The following HPSE2 variants were observed in gnomAD, a reference collection of about 807,000 sequenced individuals.
HPSE2 encodes the protein inactive heparanase-2.
HPSE2 carries 38 observed loss-of-function variants against 60.5 expected under a neutral mutation model. That is an observed-to-expected ratio of 0.63 (90% CI 0.48 to 0.82). The LOEUF is 0.82. HPSE2 is among the 40% of genes least tolerant of loss of function. The pLI, the probability that HPSE2 is intolerant of heterozygous loss-of-function variation, is 0.00. For synonymous variants in HPSE2, 295 were observed against 293.2 expected, an observed-to-expected ratio of 1.01 and a Z score of -0.06; for missense variants, 713 against 740.4, an observed-to-expected ratio of 0.96 and a Z score of 0.43.
intron 9 of HPSE2, among the ~76,000 whole-genome samples, chr10:98,573,071 G>A (rs1173891953): frequency 2.0e-5 from 3 of 152,218 alleles, no homozygotes; most frequent in Non-Finnish European, 1.5e-5. Flanking sequence ...CAACAGATCT[G>A]AGTGATCTTG....
At chr10:98,554,328 CT>C (rs1943943883) in intron 9 of HPSE2, among the ~76,000 whole-genome samples, 1 of 152,198 alleles carries the variant, frequency 6.6e-6, no homozygotes, top group African/African-American at 2.4e-5. Context: ...TTTTTGGCCA[CT>C]GAAATCCTAT....
chr10:99,034,393 G>A (rs1957564318), intron 3 of HPSE2, among the ~76,000 whole-genome samples: 1 of 152,106 alleles, frequency 6.6e-6, no homozygotes, highest in African/African-American at 2.4e-5. Flanking sequence ...GAAATTTAGT[G>A]AATAATAGAA....
rs114694353 is a variant in HPSE2, at chr10:98,540,428, C to T, written c.1321-50232G>A. On this transcript the variant is annotated intron_variant, in intron 9 of 11. Transcript: ENST00000370552. Reference sequence around the variant, plus strand: ...GTAAAGAGCCCATGACCGTGACCGTCGTAGGACCCTAAAGATGTAGTAGGC... The same window carrying T: ...GTAAAGAGCCCATGACCGTGACCGTTGTAGGACCCTAAAGATGTAGTAGGC... 2.6e-3 allele frequency among the ~76,000 whole-genome samples: 403 copies of T among 152,254 alleles called. 3 individuals are homozygous for T. The highest frequency in any genetic ancestry group is 9.1e-3 in the African/African-American group (378 of 41,564).
At position 98,721,687 on chromosome 10, in the gene HPSE2, G is replaced by T. The variant is rs774313044; in HGVS notation, c.926C>A (p.Pro309Gln). Residue 309 changes from proline (P) to glutamine (Q), a missense_variant, in exon 5 of 12, where the codon CCG becomes CAG. Pro to Gln is a moderately conservative substitution (Grantham distance 76). Coordinates refer to ENST00000370552, the MANE Select transcript of HPSE2 (RefSeq NM_021828.5). ...TAGGAGGGCGATGACATTCTTCCTC[G>T]GCCGCCCAATATTAGGGCCATATAA... Reference protein sequence around the residue: ...ASLYGPNIGRPRKNVIALLDG... With the variant: ...ASLYGPNIGRQRKNVIALLDG... 1.2e-6 allele frequency: 2 copies of T among 1,613,508 alleles called. No homozygotes were observed. Among genetic ancestry groups the T allele is most frequent in the Non-Finnish European group, 1.7e-6 (2 of 1,179,846 alleles).
chr10:98,467,922 G>T (rs1409581509), intron 11 of HPSE2, among the ~76,000 whole-genome samples: 2 of 151,598 alleles, frequency 1.3e-5, no homozygotes, highest in African/African-American at 4.9e-5. Flanking sequence ...TGCAGAGAAC[G>T]GGGGGTCCCA....
intron 9 of HPSE2, among the ~76,000 whole-genome samples, chr10:98,517,077 T>C (rs1348676761): frequency 6.6e-6 from 1 of 152,128 alleles, no homozygotes; most frequent in East Asian, 1.9e-4. Context: ...TAATCCCTTC[T>C]TTCGAATCCC....
chr10:98,770,634 C>T (rs574258809), intron 3 of HPSE2, among the ~76,000 whole-genome samples: 60 of 152,162 alleles, frequency 3.9e-4, no homozygotes, highest in African/African-American at 1.4e-3. Flanking sequence ...GTCTAAGATG[C>T]CTTCCCTTCT....
At chr10:99,031,205 T>G (rs918022769) in intron 3 of HPSE2, among the ~76,000 whole-genome samples, 1 of 152,138 alleles carries the variant, frequency 6.6e-6, no homozygotes, top group Non-Finnish European at 1.5e-5. Context: ...CTCCAAGATG[T>G]GCTTATTTCA....
intron 3 of HPSE2, among the ~76,000 whole-genome samples, chr10:98,956,247 C>A (rs757088051): frequency 6.6e-6 from 1 of 151,342 alleles, no homozygotes; most frequent in South Asian, 2.1e-4. Context: ...GCAGGAAGGA[C>A]AAACAATAAA....
intron 2 of HPSE2, among the ~76,000 whole-genome samples, chr10:99,229,315 C>T (rs1044175508): frequency 1.1e-4 from 17 of 152,130 alleles, no homozygotes; most frequent in Non-Finnish European, 1.8e-4. Flanking sequence ...AACTCTGTTC[C>T]TTAAAGATAA....
intron 9 of HPSE2, among the ~76,000 whole-genome samples, chr10:98,541,792 G>T (rs1446233819): frequency 6.6e-6 from 1 of 152,252 alleles, no homozygotes; most frequent in Non-Finnish European, 1.5e-5. Context: ...GCCCAGCCTT[G>T]CTTAGGTAAA....
intron 6 of HPSE2, among the ~76,000 whole-genome samples, chr10:98,673,649 G>A (rs536440079): frequency 2.2e-4 from 33 of 152,162 alleles, no homozygotes; most frequent in African/African-American, 7.9e-4. Context: ...CAGCCTGTCT[G>A]TCTGGGTAAA....
chr10:99,284,869 C>A, the HPSE2 span, among the ~76,000 whole-genome samples: 2 of 151,824 alleles, frequency 1.3e-5, no homozygotes, highest in Admixed American at 6.6e-5. Context: ...TACATATATA[C>A]CATGGAAAAT....
intron 3 of HPSE2, among the ~76,000 whole-genome samples, chr10:98,971,922 T>A (rs925004140): frequency 6.6e-6 from 1 of 152,142 alleles, no homozygotes; most frequent in Non-Finnish European, 1.5e-5. Flanking sequence ...TACCCCCTAC[T>A]CTTACTCCCC....
intron 3 of HPSE2, among the ~76,000 whole-genome samples, chr10:98,746,620 A>G (rs2134338507): frequency 6.6e-6 from 1 of 152,178 alleles, no homozygotes; most frequent in East Asian, 1.9e-4. Context: ...TAATTTCAAG[A>G]AAGACAGATA....
At chr10:98,516,029 T>A (rs1441745443) in intron 9 of HPSE2, among the ~76,000 whole-genome samples, 2 of 152,184 alleles carry the variant, frequency 1.3e-5, no homozygotes, top group Non-Finnish European at 2.9e-5. Flanking sequence ...CTGATCTCCA[T>A]CCCTTACAGC....
intron 9 of HPSE2, among the ~76,000 whole-genome samples, chr10:98,586,216 T>C (rs10786446): frequency 0.56 from 84,813 of 152,034 alleles, 23,861 homozygotes; most frequent in Admixed American, 0.6. Flanking sequence ...CATATCTTAG[T>C]TCCCCAAACT....
intron 3 of HPSE2, among the ~76,000 whole-genome samples, chr10:98,903,857 T>C (rs971949809): frequency 9.2e-5 from 14 of 152,256 alleles, no homozygotes; most frequent in Admixed American, 9.2e-4. Flanking sequence ...TAAGATGTAC[T>C]ATAATTCAAG....
intron 3 of HPSE2, among the ~76,000 whole-genome samples, chr10:99,138,893 T>A (rs1403540579): frequency 2.0e-5 from 3 of 152,044 alleles, no homozygotes; most frequent in Admixed American, 6.6e-5. Context: ...ATCATTTTTT[T>A]AAAAGAGGCT....
Sources: allele counts gnomAD v4.1 joint callset (sites outside exome capture counted in the v4.1 genomes callset), GRCh38; gene constraint gnomAD v4.1.1; transcripts MANE v1.5; gene names NCBI Gene and HGNC (gene_info 2026-07-23, HGNC 2026-07-21).